The following SHC4 variants were observed in gnomAD, a reference collection of about 807,000 sequenced individuals.
SHC4 encodes SHC adaptor protein 4.
Under a neutral mutation model 69.4 loss-of-function variants are expected in SHC4, and 41 were observed. The ratio of observed to expected loss-of-function variants is 0.59; its 90% CI spans 0.46 to 0.77. The LOEUF (loss-of-function observed/expected upper bound fraction) is 0.77, where lower values mean the gene tolerates loss of function less well. Among genes scored for constraint, SHC4 ranks in the 30% least tolerant of loss-of-function variants. SHC4 has a pLI of 0.00. For missense variants in SHC4, 777 were observed against 783.8 expected (o/e 0.99, Z 0.10); for synonymous variants, 318 against 299.3 (o/e 1.06, Z -0.64).
chr15:48,824,465 A>G lies in SHC4; in HGVS notation c.*1506T>C, dbSNP rs1296891427. Reference sequence around the variant, plus strand: ...CTTGGAAAGGCAAGAAAAGGACATAAGTAGTTTTCTGCTACTCAAACCAAA... The same window carrying G: ...CTTGGAAAGGCAAGAAAAGGACATAGGTAGTTTTCTGCTACTCAAACCAAA... On this transcript the variant is annotated 3_prime_UTR_variant, in exon 12 of 12. Coordinates refer to ENST00000332408, the MANE Select transcript of SHC4 (RefSeq NM_203349.4). 3 of 152,186 alleles carry G rather than the reference A, an allele frequency of 2.0e-5. No homozygotes were observed. The East Asian group carries it at 5.8e-4, about 29-fold the overall frequency. 9.4% of individuals were successfully genotyped at this position (152,186 alleles called of 1,614,324 possible).
intron 4 of SHC4, chr15:48,878,392 A>G: frequency 1.2e-6 from 2 of 1,612,374 alleles, no homozygotes; most frequent in African/African-American, 1.3e-5. Flanking sequence ...CAGAGGGGAA[A>G]CGGAGCCTTG....
At chr15:48,864,880 TC>T (rs1001271408) in intron 6 of SHC4, among the ~76,000 whole-genome samples, 23 of 152,252 alleles carry the variant, frequency 1.5e-4, no homozygotes, top group African/African-American at 3.9e-4. Context: ...GTATTCAAAG[TC>T]CCCCCACAAT....
chr15:48,917,006 G>T (rs921786222), intron 2 of SHC4, among the ~76,000 whole-genome samples: 2 of 152,114 alleles, frequency 1.3e-5, no homozygotes, highest in Admixed American at 1.3e-4. Flanking sequence ...ATTTCCTTGG[G>T]TATCAAAATG....
At chr15:48,927,251 C>T (rs973085156) in intron 1 of SHC4, among the ~76,000 whole-genome samples, 3 of 152,182 alleles carry the variant, frequency 2.0e-5, no homozygotes, top group African/African-American at 7.2e-5. Context: ...CCCTCTTCCA[C>T]CCCAGAGCCT....
intron 5 of SHC4, among the ~76,000 whole-genome samples, chr15:48,868,381 T>C (rs928697264): frequency 6.6e-6 from 1 of 152,028 alleles, no homozygotes; most frequent in African/African-American, 2.4e-5. Context: ...ACTTAAGGGA[T>C]AATAAAGTGA....
intron 1 of SHC4, among the ~76,000 whole-genome samples, chr15:48,929,714 G>C (rs1380337518): frequency 6.6e-6 from 1 of 152,206 alleles, no homozygotes; most frequent in African/African-American, 2.4e-5. Flanking sequence ...TGCAGGAGGT[G>C]AGACAGAGGA....
At chr15:48,875,044 GTGATGAGA>G (rs1371765259) in intron 4 of SHC4, among the ~76,000 whole-genome samples, 2 of 152,234 alleles carry the variant, frequency 1.3e-5, no homozygotes, top group African/African-American at 2.4e-5. Flanking sequence ...GAAAGATCCA[GTGATGAGA>G]CTGCAGAAGA....
chr15:48,936,824 T>C (rs1363444568), intron 1 of SHC4, among the ~76,000 whole-genome samples: 2 of 152,198 alleles, frequency 1.3e-5, no homozygotes, highest in Non-Finnish European at 2.9e-5. Context: ...GACAACCATC[T>C]GCATCCCGTG....
chr15:48,884,495 A>G, intron 3 of SHC4, 128 bp from the exon 4 acceptor site: 1 of 777,816 alleles, frequency 1.3e-6, no homozygotes, highest in South Asian at 3.5e-5. Flanking sequence ...CTTTATGTAA[A>G]TCAAATGAAA....
At chr15:48,958,440 C>A (rs1419956792) in intron 1 of SHC4, among the ~76,000 whole-genome samples, 1 of 152,124 alleles carries the variant, frequency 6.6e-6, no homozygotes, top group Non-Finnish European at 1.5e-5. Flanking sequence ...CTCTCAGTGT[C>A]CTCACCTGGA....
At chr15:48,878,748 C>T (rs1368155196) in intron 4 of SHC4, 3 of 1,601,548 alleles carry the variant, frequency 1.9e-6, no homozygotes, top group East Asian at 4.5e-5. Flanking sequence ...TAGTTAGATG[C>T]TGTTAAAAGA....
At chr15:48,958,845 C>T (rs1348106782) in intron 1 of SHC4, among the ~76,000 whole-genome samples, 1 of 152,184 alleles carries the variant, frequency 6.6e-6, no homozygotes, top group Non-Finnish European at 1.5e-5. Context: ...ATTTAATGGG[C>T]TTTGCCCACC....
chr15:48,866,690 G>C (rs927661665), intron 6 of SHC4, among the ~76,000 whole-genome samples: 7 of 152,198 alleles, frequency 4.6e-5, no homozygotes, highest in Non-Finnish European at 1.0e-4. Flanking sequence ...GGTCCAGGGT[G>C]TTCTATTTAT....
chr15:48,962,655 C>G lies in SHC4; in HGVS notation c.361G>C (p.Glu121Gln). 6.2e-7 allele frequency: 1 copy of G among 1,614,200 alleles called. No individual in the cohort carries two copies. The highest frequency in any genetic ancestry group is 8.5e-7 in the Non-Finnish European group (1 of 1,180,040). The change falls in exon 1 of 12, where the codon GAA becomes CAA. Residue 121 changes from glutamate to glutamine, a missense_variant. Physicochemically the swap from Glu to Gln is conservative, Grantham distance 29. Transcript: ENST00000332408. Reference sequence around the variant, plus strand: ...CCGCTGGAACCTGGGTCCCGGCTTTCCTGGAGCTTCAGCCGAGGCACCTCT... The same window carrying G: ...CCGCTGGAACCTGGGTCCCGGCTTTGCTGGAGCTTCAGCCGAGGCACCTCT... ...TKEVPRLKLQ[E>Q]SRDPGSSGPS...
chr15:48,875,640 T>C lies in SHC4; in HGVS notation c.841-3498A>G, dbSNP rs575116796. The stretch of plus-strand genomic sequence containing the variant: ...GAATGAGGATATGCTATATGCACTT[T>C]TGTTGCCAACCAGCACCACAGATGC... On this transcript the variant is annotated intron_variant, in intron 4 of 11. Transcript: ENST00000332408. Among the ~76,000 whole-genome samples, 15 of 152,350 alleles carry C rather than the reference T, an allele frequency of 9.8e-5. No individual in the cohort carries two copies. In the South Asian group the frequency reaches 2.7e-3, roughly 27 times the overall value.
intron 4 of SHC4, chr15:48,877,966 A>C (rs574110774): frequency 3.0e-5 from 16 of 527,738 alleles, no homozygotes; most frequent in African/African-American, 2.6e-4. Context: ...GAATCGATGG[A>C]AACGTAGCTC....
chr15:48,880,340 C>CATTAAGTTGGTGCTTAGACTTAA (rs1899916703), intron 4 of SHC4, among the ~76,000 whole-genome samples: 1 of 152,196 alleles, frequency 6.6e-6, no homozygotes, highest in Non-Finnish European at 1.5e-5. Context: ...CTTAATCCTA[C>CATTAAGTTGGTGCTTAGACTTAA]TGCCTCTTCC....
intron 11 of SHC4, among the ~76,000 whole-genome samples, chr15:48,832,144 C>T (rs1199625753): frequency 6.6e-6 from 1 of 152,146 alleles, no homozygotes; most frequent in African/African-American, 2.4e-5. Context: ...TGGTGGCGGG[C>T]ACCTGTAATC....
At chr15:48,910,203 G>T (rs1021916236) in intron 2 of SHC4, among the ~76,000 whole-genome samples, 2 of 151,566 alleles carry the variant, frequency 1.3e-5, no homozygotes, top group Non-Finnish European at 1.5e-5. Flanking sequence ...TTTTTTTGTT[G>T]TTGGTAATTT....
Sources: allele counts gnomAD v4.1 joint callset (sites outside exome capture counted in the v4.1 genomes callset), GRCh38; gene constraint gnomAD v4.1.1; transcripts MANE v1.5; gene names NCBI Gene and HGNC (gene_info 2026-07-23, HGNC 2026-07-21).